ERBB4: variants seen among roughly 807,000 people sequenced by gnomAD.
ERBB4 encodes the protein receptor tyrosine-protein kinase erbB-4.
Under a neutral mutation model 158.0 loss-of-function variants are expected in ERBB4, and 42 were observed. The ratio of observed to expected loss-of-function variants is 0.27; its 90% confidence interval spans 0.21 to 0.34. ERBB4 has a LOEUF of 0.34. ERBB4 is among the 10% of genes least tolerant of loss of function. The pLI, the probability that ERBB4 is intolerant of heterozygous loss-of-function variation, is 1.00. For missense variants in ERBB4, 1,333 were observed against 1,624.1 expected (o/e 0.82, Z 3.08); for synonymous variants, 583 against 558.7 (o/e 1.04, Z -0.61).
At chr2:211,446,680 A>T (rs897277443) in intron 20 of ERBB4, among the ~76,000 whole-genome samples, 1 of 152,156 alleles carries the variant, frequency 6.6e-6, no homozygotes, top group Non-Finnish European at 1.5e-5. Context: ...TTAAAACTTA[A>T]TTTTAAGCTT....
At chr2:212,130,069 G>C (rs1054563240) in intron 1 of ERBB4, among the ~76,000 whole-genome samples, 2 of 151,974 alleles carry the variant, frequency 1.3e-5, no homozygotes, top group Non-Finnish European at 2.9e-5. Context: ...ACAAGACAAC[G>C]CTTAAACCAT....
At chr2:212,039,532 T>A (rs2077090163) in intron 2 of ERBB4, among the ~76,000 whole-genome samples, 1 of 152,186 alleles carries the variant, frequency 6.6e-6, no homozygotes, top group Admixed American at 6.5e-5. Flanking sequence ...CATAGATGTA[T>A]TTTAAACTTT....
intron 1 of ERBB4, among the ~76,000 whole-genome samples, chr2:212,335,075 G>A (rs2088364152): frequency 1.3e-5 from 2 of 151,878 alleles, no homozygotes; most frequent in Non-Finnish European, 2.9e-5. Context: ...TCCTGAATGA[G>A]AGCTATTCTG....
At chr2:211,946,646 T>C (rs2080706539) in intron 3 of ERBB4, among the ~76,000 whole-genome samples, 1 of 122,714 alleles carries the variant, frequency 8.1e-6, no homozygotes, top group Non-Finnish European at 1.6e-5. Flanking sequence ...TAGAGAGCAA[T>C]GGTGCGATCT....
intron 1 of ERBB4, among the ~76,000 whole-genome samples, chr2:212,278,695 C>G (rs2106141973): frequency 6.6e-6 from 1 of 151,630 alleles, no homozygotes; most frequent in African/African-American, 2.4e-5. Context: ...AAAAGTAAGG[C>G]ACATTTGGTA....
intron 3 of ERBB4, among the ~76,000 whole-genome samples, chr2:211,838,588 A>G (rs866395924): frequency 2.0e-5 from 3 of 152,236 alleles, no homozygotes; most frequent in Middle Eastern, 6.8e-3. Flanking sequence ...TACAATTCAT[A>G]TCCTTATTGC....
intron 1 of ERBB4, among the ~76,000 whole-genome samples, chr2:212,350,262 A>G (rs981643544): frequency 6.6e-6 from 1 of 152,256 alleles, no homozygotes; most frequent in Non-Finnish European, 1.5e-5. Context: ...AGCTGACAAC[A>G]TAACTATTTA....
intron 3 of ERBB4, among the ~76,000 whole-genome samples, chr2:211,813,976 T>C (rs1344048164): frequency 6.6e-6 from 1 of 152,056 alleles, no homozygotes; most frequent in Admixed American, 6.6e-5. Context: ...AATTGCAAAA[T>C]ATCTAGCAAA....
In ERBB4 at chr2:211,415,805, C is replaced by T. The variant is rs998921432; in HGVS notation, c.3135+4636G>A. On this transcript the variant is annotated intron_variant, in intron 25 of 27. Coordinates refer to ENST00000342788, the MANE Select transcript of ERBB4 (RefSeq NM_005235.3). Reference sequence around the variant, plus strand: ...CCAAACTTCTTTAATTTTCTTCATTCTTCTTCACTTCTGCTTACATTTTAT... The same window carrying T: ...CCAAACTTCTTTAATTTTCTTCATTTTTCTTCACTTCTGCTTACATTTTAT... Among the ~76,000 whole-genome samples the T allele has an allele frequency of 7.9e-5, 12 of 152,226 alleles. No homozygotes were observed. In the South Asian group the frequency reaches 2.5e-3, roughly 32 times the overall value.
chr2:211,652,116 A>C (rs2071009816), intron 16 of ERBB4, among the ~76,000 whole-genome samples: 2 of 152,204 alleles, frequency 1.3e-5, no homozygotes, highest in African/African-American at 4.8e-5. Flanking sequence ...GACGCTAAAT[A>C]CTTCTGTTAA....
intron 23 of ERBB4, among the ~76,000 whole-genome samples, chr2:211,423,358 T>A (rs1465496706): frequency 6.6e-6 from 1 of 151,944 alleles, no homozygotes; most frequent in Non-Finnish European, 1.5e-5. Context: ...ATTAATAAGA[T>A]GCTTATTCAC....
chr2:212,267,665 T>C (rs959049395), intron 1 of ERBB4, among the ~76,000 whole-genome samples: 4 of 151,244 alleles, frequency 2.6e-5, no homozygotes, highest in Non-Finnish European at 5.9e-5. Context: ...TTGTTACATA[T>C]GTATACATGT....
chr2:211,465,041 A>G (rs1409532317), intron 20 of ERBB4, among the ~76,000 whole-genome samples: 1 of 148,124 alleles, frequency 6.8e-6, no homozygotes, highest in African/African-American at 2.5e-5. Flanking sequence ...GAGTGCTGTG[A>G]CATGATGATA....
At chr2:212,098,486 A>G (rs1047562029) in intron 2 of ERBB4, among the ~76,000 whole-genome samples, 1 of 152,150 alleles carries the variant, frequency 6.6e-6, no homozygotes, top group Non-Finnish European at 1.5e-5. Flanking sequence ...ACAAATATAT[A>G]GAGTTTGGTC....
chr2:212,204,589 T>G (rs1360265839), intron 1 of ERBB4, among the ~76,000 whole-genome samples: 1 of 151,310 alleles, frequency 6.6e-6, no homozygotes, highest in Non-Finnish European at 1.5e-5. Flanking sequence ...CCCCGCTACT[T>G]GAGATGGGGA....
chr2:211,514,097 G>A (rs1160075499), intron 20 of ERBB4, among the ~76,000 whole-genome samples: 1 of 151,948 alleles, frequency 6.6e-6, no homozygotes, highest in Admixed American at 6.6e-5. Flanking sequence ...CTGTATTTTT[G>A]TACTCATTAG....
intron 3 of ERBB4, among the ~76,000 whole-genome samples, chr2:211,905,252 T>C (rs2079347199): frequency 6.6e-6 from 1 of 151,996 alleles, no homozygotes; most frequent in South Asian, 2.1e-4. Context: ...TAGCTCATAG[T>C]CCCCTTCCTT....
At chr2:212,411,728 T>C (rs1273059178) in intron 1 of ERBB4, among the ~76,000 whole-genome samples, 1 of 152,144 alleles carries the variant, frequency 6.6e-6, no homozygotes, top group Non-Finnish European at 1.5e-5. Flanking sequence ...ACAGTCTCTC[T>C]CTCCCTTGCA....
At chr2:211,778,079 T>A (rs1052726400) in intron 4 of ERBB4, among the ~76,000 whole-genome samples, 1 of 152,180 alleles carries the variant, frequency 6.6e-6, no homozygotes, top group Non-Finnish European at 1.5e-5. Context: ...GGCTTCAATC[T>A]ACTTCTCCCA....
Sources: allele counts gnomAD v4.1 joint callset (sites outside exome capture counted in the v4.1 genomes callset), GRCh38; gene constraint gnomAD v4.1.1; transcripts MANE v1.5; gene names NCBI Gene and HGNC (gene_info 2026-07-23, HGNC 2026-07-21).